Variants in SAMD3 observed in about 807,000 individuals in gnomAD.
SAMD3 encodes the protein sterile alpha motif domain-containing protein 3.
SAMD3 carries 63 observed loss-of-function variants against 58.5 expected under a neutral mutation model. The observed-to-expected ratio is 1.08, with a 90% CI of 0.88 to 1.33. The LOEUF is 1.33. Ranked by LOEUF, SAMD3 falls within the 40% of genes most tolerant of loss-of-function variation. The pLI, the probability that SAMD3 is intolerant of heterozygous loss-of-function variation, is 0.00. For synonymous variants in SAMD3, 220 were observed against 210.3 expected (o/e 1.05, Z -0.40); for missense variants, 604 against 608.4 (o/e 0.99, Z 0.08).
intron 2 of SAMD3, among the ~76,000 whole-genome samples, chr6:130,275,508 G>A (rs1015640436): frequency 2.6e-5 from 4 of 152,050 alleles, no homozygotes; most frequent in African/African-American, 9.7e-5. Context: ...TATATATTTA[G>A]TTTATAATAA....
intron 2 of SAMD3, among the ~76,000 whole-genome samples, chr6:130,279,470 C>T (rs542135525): frequency 1.8e-3 from 272 of 149,540 alleles, no homozygotes; most frequent in Non-Finnish European, 3.3e-3. Flanking sequence ...CCATATGGAA[C>T]TGTGAATCAA....
chr6:130,292,263 C>CTTT (rs1412339110), intron 2 of SAMD3, among the ~76,000 whole-genome samples: 9 of 125,818 alleles, frequency 7.2e-5, no homozygotes, highest in African/African-American at 9.4e-5. Context: ...CTTTTTTTTT[C>CTTT]TTTCTTTCTT....
chr6:130,365,756 G>A (rs1778120125), upstream of SAMD3: 1 of 985,474 alleles, frequency 1.0e-6, no homozygotes, highest in African/African-American at 1.7e-5. Flanking sequence ...TTTGTCTGCG[G>A]GTGATTTGGG....
chr6:130,299,938 A>G (rs1775690081), intron 2 of SAMD3, among the ~76,000 whole-genome samples: 1 of 152,202 alleles, frequency 6.6e-6, no homozygotes, highest in Admixed American at 6.5e-5. Context: ...ACAGACCAAT[A>G]ATTAATTGTG....
At chr6:130,222,513 C>G (rs1362693946) in intron 1 of SAMD3, among the ~76,000 whole-genome samples, 181 bp downstream of exon 1, 1 of 152,114 alleles carries the variant, frequency 6.6e-6, no homozygotes, top group Non-Finnish European at 1.5e-5. Context: ...GAATGAAATG[C>G]TTGGTTACAC....
chr6:130,350,378 A>G (rs900741475), intron 1 of SAMD3, among the ~76,000 whole-genome samples: 26 of 152,180 alleles, frequency 1.7e-4, no homozygotes, highest in Admixed American at 1.1e-3. Flanking sequence ...GCAAAGTCTC[A>G]GGATACAAAA....
intron 2 of SAMD3, among the ~76,000 whole-genome samples, chr6:130,285,937 G>T (rs909209547): frequency 1.3e-5 from 2 of 152,082 alleles, no homozygotes; most frequent in African/African-American, 4.8e-5. Context: ...GATAATAAAG[G>T]CAGTGCTTTA....
chr6:130,261,961 G>A (rs1036311673), intron 2 of SAMD3, among the ~76,000 whole-genome samples: 9 of 151,884 alleles, frequency 5.9e-5, no homozygotes, highest in Non-Finnish European at 1.3e-4. Flanking sequence ...GAGAGACAGA[G>A]AGGAGAAAGA....
intron 1 of SAMD3, among the ~76,000 whole-genome samples, chr6:130,338,569 GC>G (rs1322981275): frequency 6.6e-6 from 1 of 152,190 alleles, no homozygotes; most frequent in Non-Finnish European, 1.5e-5. Flanking sequence ...AGCCTCAGGG[GC>G]TGAATCCTAT....
downstream of SAMD3, chr6:130,143,999 A>G (rs1788398976): frequency 1.3e-5 from 2 of 153,596 alleles, no homozygotes; most frequent in Non-Finnish European, 1.4e-5. Flanking sequence ...CGCAGCCCTT[A>G]TTCTCAACAA....
chr6:130,266,173 C>T (rs112670982), intron 2 of SAMD3, among the ~76,000 whole-genome samples: 2,228 of 152,252 alleles, frequency 0.015, 30 homozygotes, highest in Non-Finnish European at 0.022. Context: ...AGTTTATAAA[C>T]GCTCTCCTGA....
chr6:130,224,478 T>C (rs1025125634), upstream of SAMD3, among the ~76,000 whole-genome samples: 2 of 152,014 alleles, frequency 1.3e-5, no homozygotes, highest in Admixed American at 1.3e-4. Context: ...CAAAAAGGCA[T>C]AGGACCCTGT....
At chr6:130,287,598 G>A (rs1278818569) in intron 2 of SAMD3, among the ~76,000 whole-genome samples, 1 of 152,174 alleles carries the variant, frequency 6.6e-6, no homozygotes, top group African/African-American at 2.4e-5. Flanking sequence ...ACACAAGGGA[G>A]AGAAGTAAGC....
intron 2 of SAMD3, among the ~76,000 whole-genome samples, chr6:130,273,287 G>C (rs913440071): frequency 2.0e-5 from 3 of 152,022 alleles, no homozygotes; most frequent in African/African-American, 7.2e-5. Context: ...AATAAGGTCT[G>C]TTTTGTTTGA....
At chr6:130,191,810 A>G (rs751699923) in intron 5 of SAMD3, among the ~76,000 whole-genome samples, 5 of 152,222 alleles carry the variant, frequency 3.3e-5, no homozygotes, top group Admixed American at 6.5e-5. Flanking sequence ...TTAAAATCCC[A>G]AATTTGAATT....
chr6:130,153,647 C>CATATATATATATATATATATATAT lies in SAMD3; in HGVS notation c.1023+1177_1023+1178insATATATATATATATATATATATAT, dbSNP rs1196709383. 2.9e-3 allele frequency among the ~76,000 whole-genome samples: 278 copies of CATATATATATATATATATATATAT among 96,406 alleles called. 4 individuals are homozygous for CATATATATATATATATATATATAT. Among genetic ancestry groups the CATATATATATATATATATATATAT allele is most frequent in the Admixed American group, 3.9e-3 (35 of 9,012 alleles). The allele number at this position is 96,406 out of a possible 152,430, so 63.2% of individuals were successfully genotyped here. ...TTTGATTGATTTACCCATTAAATTT[C>CATATATATATATATATATATATAT]ATATATATATATATATATTTATTTA... On this transcript the variant is annotated intron_variant, in intron 9 of 11. Transcript: ENST00000439090.
intron 1 of SAMD3, among the ~76,000 whole-genome samples, chr6:130,359,594 C>T (rs527950152): frequency 6.6e-6 from 1 of 152,220 alleles, no homozygotes; most frequent in East Asian, 1.9e-4. Flanking sequence ...ATTTTGTACC[C>T]ATTAGGGCAC....
At chr6:130,333,044 CGTGTGTGTGTGT>C (rs10529435) in intron 1 of SAMD3, among the ~76,000 whole-genome samples, 6,651 of 143,614 alleles carry the variant, frequency 0.046, 309 homozygotes, top group African/African-American at 0.12. Context: ...GTTGAGTATG[CGTGTGTGTGTGT>C]GTGTGTGTGT....
At chr6:130,307,330 CCCACAT>C (rs74780039) in intron 2 of SAMD3, among the ~76,000 whole-genome samples, 25,573 of 152,054 alleles carry the variant, frequency 0.17, 2,378 homozygotes, top group East Asian at 0.36. Context: ...AACAAGAGGT[CCCACAT>C]TTTTATTTTG....
Sources: allele counts gnomAD v4.1 joint callset (sites outside exome capture counted in the v4.1 genomes callset), GRCh38; gene constraint gnomAD v4.1.1; transcripts MANE v1.5; gene names NCBI Gene and HGNC (gene_info 2026-07-23, HGNC 2026-07-21).